Variants in CELF2 observed in about 807,000 individuals in gnomAD.
CELF2 encodes the protein CUG triplet repeat RNA-binding protein 2.
CELF2 carries 8 observed loss-of-function variants against 62.6 expected under a neutral mutation model. That is an observed-to-expected ratio of 0.13 (90% CI 0.07 to 0.23). The LOEUF is 0.23. Ranked by LOEUF, CELF2 falls within the 10% of genes least tolerant of loss-of-function variation. CELF2 has a pLI of 1.00. For missense variants in CELF2, 333 were observed against 671.0 expected (o/e 0.50, Z 5.56); for synonymous variants, 258 against 250.0 (o/e 1.03, Z -0.30).
intron 1 of CELF2, among the ~76,000 whole-genome samples, chr10:10,868,043 T>C (rs2060495364): frequency 6.6e-6 from 1 of 152,232 alleles, no homozygotes; most frequent in Admixed American, 6.5e-5. Flanking sequence ...TTCTTGTGTC[T>C]TTTCTGCCTT....
intron 1 of CELF2, among the ~76,000 whole-genome samples, chr10:10,910,793 C>T (rs538989921): frequency 6.6e-6 from 1 of 151,172 alleles, no homozygotes; most frequent in Admixed American, 6.6e-5. Flanking sequence ...TTTGCTTTGA[C>T]TTTTGCTTTT....
chr10:10,812,803 G>C (rs928863270), intron 1 of CELF2, among the ~76,000 whole-genome samples: 1 of 152,118 alleles, frequency 6.6e-6, no homozygotes, highest in Admixed American at 6.6e-5. Context: ...CATTAATAGG[G>C]TGTCAATGTC....
At chr10:10,498,018 A>G in the CELF2 span, among the ~76,000 whole-genome samples, 2 of 152,206 alleles carry the variant, frequency 1.3e-5, no homozygotes, top group African/African-American at 4.8e-5. Context: ...AGTCGTGATA[A>G]GAGGCGGGAA....
chr10:10,949,234 C>G (rs1053496913), intron 2 of CELF2, among the ~76,000 whole-genome samples: 4 of 152,142 alleles, frequency 2.6e-5, no homozygotes, highest in African/African-American at 9.7e-5. Context: ...TTCCCATATT[C>G]TCTCTCCTTT....
chr10:11,116,822 T>G (rs1259112497), intron 1 of CELF2, among the ~76,000 whole-genome samples: 1 of 152,254 alleles, frequency 6.6e-6, no homozygotes, highest in East Asian at 1.9e-4. Context: ...AGAAGTACAC[T>G]GAACATCATA....
At chr10:11,225,583 TC>T (rs2066257333) in intron 3 of CELF2, among the ~76,000 whole-genome samples, 1 of 152,240 alleles carries the variant, frequency 6.6e-6, no homozygotes, top group African/African-American at 2.4e-5. Context: ...TGTCTGGGCA[TC>T]TGCTTTCCTC....
At chr10:10,587,416 C>T in the CELF2 span, among the ~76,000 whole-genome samples, 3 of 152,122 alleles carry the variant, frequency 2.0e-5, no homozygotes, top group Non-Finnish European at 2.9e-5. Flanking sequence ...TCCCTTGAAA[C>T]CTCTGCCAGA....
At chr10:10,488,483 A>G in the CELF2 span, among the ~76,000 whole-genome samples, 6 of 152,164 alleles carry the variant, frequency 3.9e-5, no homozygotes, top group Non-Finnish European at 7.4e-5. Flanking sequence ...ACCTAGCTGT[A>G]TTGAATCTTT....
chr10:11,005,289 AG>A, upstream of CELF2: 2 of 1,556,762 alleles, frequency 1.3e-6, no homozygotes, highest in Admixed American at 3.5e-5. The surrounding 1 kb of genome is among the most constrained non-coding windows in gnomAD (Gnocchi z 4.3). Context: ...AGAGAGAGAG[AG>A]AGAGGGAGGA....
At chr10:10,465,795 C>T in the CELF2 span, among the ~76,000 whole-genome samples, 3 of 152,012 alleles carry the variant, frequency 2.0e-5, no homozygotes, top group Non-Finnish European at 2.9e-5. Context: ...CGGGCTTGTC[C>T]ACCTGTGGTT....
At position 10,957,373 on chromosome 10, in the gene CELF2, C is replaced by G. The variant is rs144815695; in HGVS notation, c.89+37374C>G. Among the ~76,000 whole-genome samples the G allele has an allele frequency of 3.3e-3, 496 of 152,226 alleles. 2 individuals carry two copies. The highest frequency in any genetic ancestry group is 0.011 in the African/African-American group (466 of 41,544). ...GTCTCCTCTGGGATTCATTCGCTCT[C>G]GCTGAAGGATGATCTCAGATGCCTT... On this transcript the variant is annotated intron_variant, in intron 2 of 13. Coordinates refer to the CELF2 transcript ENST00000636488. The surrounding 1 kb of genome is among the most constrained non-coding windows in gnomAD (Gnocchi z 4.1).
In CELF2 at chr10:11,170,039, G is replaced by A. The variant is rs114101984; in HGVS notation, c.271+4357G>A. Among the ~76,000 whole-genome samples the A allele has an allele frequency of 3.3e-3, 504 of 152,328 alleles. 4 individuals carry two copies. The highest frequency in any genetic ancestry group is 0.011 in the African/African-American group (474 of 41,568). Reference sequence around the variant, plus strand: ...TCAGAAGAAGGATAGAGGTTGTGGGGAAAGGAAATGCATGGATGTATACAT... The same window carrying A: ...TCAGAAGAAGGATAGAGGTTGTGGGAAAAGGAAATGCATGGATGTATACAT... On this transcript the variant is annotated intron_variant, in intron 2 of 12. Transcript: ENST00000633077.
the CELF2 span, among the ~76,000 whole-genome samples, chr10:10,596,584 G>A: frequency 2.6e-5 from 4 of 152,200 alleles, no homozygotes; most frequent in African/African-American, 9.6e-5. Flanking sequence ...CAGGATCATA[G>A]AGGATGGAGT....
the CELF2 span, among the ~76,000 whole-genome samples, chr10:10,599,054 G>T: frequency 6.6e-6 from 1 of 151,692 alleles, no homozygotes; most frequent in South Asian, 2.1e-4. Flanking sequence ...GCCCGGCCAG[G>T]GCTGATTTTC....
chr10:10,653,329 A>G, the CELF2 span, among the ~76,000 whole-genome samples: 2 of 149,794 alleles, frequency 1.3e-5, no homozygotes, highest in Non-Finnish European at 3.0e-5. Context: ...GTCAACAAGG[A>G]TACCCAGGAA....
chr10:10,747,996 T>A, the CELF2 span, among the ~76,000 whole-genome samples: 1 of 152,174 alleles, frequency 6.6e-6, no homozygotes, highest in East Asian at 1.9e-4. Flanking sequence ...TACTGCATGT[T>A]CTCACCCATA....
At chr10:11,310,425 T>C (rs920915266) in intron 9 of CELF2, among the ~76,000 whole-genome samples, 2 of 152,216 alleles carry the variant, frequency 1.3e-5, no homozygotes, top group African/African-American at 4.8e-5. Flanking sequence ...CTTGCTGCTC[T>C]TACTGAGATT....
At chr10:10,553,229 T>G in the CELF2 span, among the ~76,000 whole-genome samples, 1 of 152,124 alleles carries the variant, frequency 6.6e-6, no homozygotes, top group Non-Finnish European at 1.5e-5. Flanking sequence ...CGGTCAGATC[T>G]CGTGAGACTT....
At chr10:11,266,970 C>A (rs1253605991) in intron 6 of CELF2, among the ~76,000 whole-genome samples, 2 of 152,206 alleles carry the variant, frequency 1.3e-5, no homozygotes, top group African/African-American at 4.8e-5. Context: ...GTCGTGAGCA[C>A]TTTAAGCAAA....
Sources: gnomAD v4.1 joint callset for allele counts (sites outside exome capture counted in the v4.1 genomes callset) on GRCh38, gnomAD v4.1.1 for gene constraint, Gnocchi (gnomAD v3.1) non-coding constraint, MANE v1.5 for transcripts, NCBI Gene and HGNC (gene_info 2026-07-23, HGNC 2026-07-21) for gene names.